TINAG: variants seen among roughly 807,000 people sequenced by gnomAD.
TINAG encodes tubulointerstitial nephritis antigen.
In TINAG, 83 loss-of-function variants were observed where a neutral mutation model predicts 72.7. The ratio of observed to expected loss-of-function variants is 1.14; its 90% CI spans 0.96 to 1.37. TINAG has a LOEUF of 1.37. Ranked by LOEUF, TINAG falls within the 40% of genes most tolerant of loss-of-function variation. The pLI is 0.00. For missense variants in TINAG, 685 were observed against 576.6 expected, an observed-to-expected ratio of 1.19 and a Z score of -1.93; for synonymous variants, 234 against 189.9, an observed-to-expected ratio of 1.23 and a Z score of -1.91.
At chr6:54,330,844 T>C (rs1029162162) in intron 4 of TINAG, among the ~76,000 whole-genome samples, 7 of 152,046 alleles carry the variant, frequency 4.6e-5, no homozygotes, top group Non-Finnish European at 1.0e-4. Flanking sequence ...GCAAATAAAC[T>C]AGAAAATCTA....
intron 10 of TINAG, among the ~76,000 whole-genome samples, chr6:54,388,197 A>G (rs1764153585): frequency 6.6e-6 from 1 of 152,270 alleles, no homozygotes; most frequent in South Asian, 2.1e-4. Flanking sequence ...ATAGATACAG[A>G]TATATGAACT....
chr6:54,342,756 T>C (rs1215191250), intron 4 of TINAG, among the ~76,000 whole-genome samples: 1 of 152,178 alleles, frequency 6.6e-6, no homozygotes, highest in East Asian at 1.9e-4. Flanking sequence ...AAAATTGATG[T>C]GTTCCTTGGG....
In TINAG at chr6:54,308,583, T is replaced by C. The variant is rs144064742; in HGVS notation, c.33T>C (p.Ser11=). Residue 11 remains serine (S), a synonymous_variant, in exon 1 of 11, where the codon TCT becomes TCC. Coordinates refer to ENST00000259782, the MANE Select transcript of TINAG (RefSeq NM_014464.4). MWTGYKILIF[S]YLTTEIWMEK... ...CCGGATATAAGATCTTAATCTTCTC[T>C]TATCTTACTACAGAAATCTGGATGG... The C allele has an allele frequency of 3.1e-6, 5 of 1,612,924 alleles. No homozygotes were observed. Among genetic ancestry groups the C allele is most frequent in the Admixed American group, 1.7e-5 (1 of 59,724 alleles).
intron 8 of TINAG, among the ~76,000 whole-genome samples, chr6:54,352,484 G>A (rs1446791756): frequency 2.0e-5 from 3 of 151,752 alleles, no homozygotes; most frequent in Admixed American, 6.6e-5. Flanking sequence ...GAAATTTTCT[G>A]TTCCCCCTTA....
intron 1 of TINAG, among the ~76,000 whole-genome samples, chr6:54,314,136 T>C (rs117972660): frequency 6.6e-6 from 1 of 152,302 alleles, no homozygotes; most frequent in East Asian, 1.9e-4. Flanking sequence ...AATGGTTAAA[T>C]GTTTATTTGA....
intron 3 of TINAG, among the ~76,000 whole-genome samples, chr6:54,323,542 CTTTA>C (rs1784538623): frequency 6.6e-6 from 1 of 152,114 alleles, no homozygotes; most frequent in Admixed American, 6.6e-5. Flanking sequence ...AGATCCAAGT[CTTTA>C]TTTATTCTAT....
At chr6:54,389,439 A>T (rs1764184204) in intron 10 of TINAG, among the ~76,000 whole-genome samples, 1 of 152,170 alleles carries the variant, frequency 6.6e-6, no homozygotes, top group Non-Finnish European at 1.5e-5. Context: ...TGTATTATTT[A>T]TCTTTCGTCT....
At chr6:54,308,073 C>A, upstream of TINAG, 1 of 1,549,918 alleles carries the variant, frequency 6.5e-7, no homozygotes, top group Non-Finnish European at 8.7e-7. Flanking sequence ...CTCATGAGAG[C>A]CTGGATGTTC....
intron 5 of TINAG, among the ~76,000 whole-genome samples, chr6:54,345,877 A>G (rs563013214): frequency 1.4e-4 from 21 of 152,234 alleles, no homozygotes; most frequent in African/African-American, 5.1e-4. Flanking sequence ...TAAATGAATT[A>G]TTTTATAAAA....
chr6:54,383,734 C>A (rs993748583), intron 10 of TINAG, among the ~76,000 whole-genome samples: 1 of 152,040 alleles, frequency 6.6e-6, no homozygotes, highest in African/African-American at 2.4e-5. Flanking sequence ...TAAGAAAAAT[C>A]TAGATGAAAA....
intron 10 of TINAG, 70 bp downstream of exon 10, chr6:54,380,641 C>T: frequency 1.6e-6 from 2 of 1,281,890 alleles, no homozygotes; most frequent in South Asian, 1.2e-5. Flanking sequence ...TCCTCTGCTA[C>T]CTGCTTTGTA....
chr6:54,350,099 C>T (rs1785228467), intron 7 of TINAG, among the ~76,000 whole-genome samples: 1 of 151,876 alleles, frequency 6.6e-6, no homozygotes. Flanking sequence ...GTGTAAAGGA[C>T]TGACTTAAAT....
intron 10 of TINAG, among the ~76,000 whole-genome samples, chr6:54,386,808 A>G (rs1481437992): frequency 6.6e-6 from 1 of 152,176 alleles, no homozygotes; most frequent in Non-Finnish European, 1.5e-5. Flanking sequence ...ATTGCAAAAT[A>G]ATAAAGTTTC....
chr6:54,316,823 G>A (rs1280465181), intron 1 of TINAG, among the ~76,000 whole-genome samples: 1 of 152,118 alleles, frequency 6.6e-6, no homozygotes, highest in Non-Finnish European at 1.5e-5. Context: ...ATACTATGAT[G>A]AATTATTTTA....
At chr6:54,348,221 A>T (rs75263600) in intron 6 of TINAG, among the ~76,000 whole-genome samples, 31 of 152,086 alleles carry the variant, frequency 2.0e-4, no homozygotes, top group African/African-American at 7.2e-4. Flanking sequence ...AAAATAGTGT[A>T]TGTCAGATTT....
intron 5 of TINAG, among the ~76,000 whole-genome samples, chr6:54,345,179 T>A (rs549363216): frequency 1.3e-5 from 2 of 152,258 alleles, no homozygotes; most frequent in Admixed American, 1.3e-4. Context: ...TGAGAGTTTT[T>A]AAGAAGAGAG....
rs9395945 is a variant in TINAG at position 54,363,710 on chromosome 6, C to G, written c.1250+9074C>G. Among the ~76,000 whole-genome samples the G allele has an allele frequency of 8.8e-3, 1,330 of 150,548 alleles. 28 individuals are homozygous for G. The highest frequency in any genetic ancestry group is 0.052 in the East Asian group (268 of 5,112). On this transcript the variant is annotated intron_variant, in intron 9 of 10. Transcript: ENST00000259782. Reference sequence around the variant, plus strand: ...GGGCTACACAGAAAAAGAAGACAGACTGATTGAGACTAAGCCATGAGAACA... The same window carrying G: ...GGGCTACACAGAAAAAGAAGACAGAGTGATTGAGACTAAGCCATGAGAACA...
intron 9 of TINAG, 112 bp from the exon 10 acceptor site, chr6:54,380,414 T>C (rs1030508531): frequency 1.3e-6 from 1 of 799,474 alleles, no homozygotes; most frequent in East Asian, 2.8e-5. Flanking sequence ...TGAAACAGGA[T>C]GGGACAGAGA....
intron 1 of TINAG, among the ~76,000 whole-genome samples, chr6:54,319,085 T>C (rs12211623): frequency 0.43 from 65,335 of 151,802 alleles, 15,826 homozygotes; most frequent in Middle Eastern, 0.58. Context: ...GTCTTTTTCC[T>C]TAAGGACCCT....
Sources: gnomAD v4.1 joint callset for allele counts (sites outside exome capture counted in the v4.1 genomes callset) on GRCh38, gnomAD v4.1.1 for gene constraint, MANE v1.5 for transcripts, NCBI Gene and HGNC (gene_info 2026-07-23, HGNC 2026-07-21) for gene names.